The following LUZP2 variants were observed in gnomAD, a reference collection of about 807,000 sequenced individuals.
LUZP2 encodes leucine zipper protein 2.
Under a neutral mutation model 51.6 loss-of-function variants are expected in LUZP2, and 52 were observed. That is an observed-to-expected ratio of 1.01 (90% CI 0.81 to 1.27). The LOEUF is 1.27. Among genes scored for constraint, LUZP2 ranks in the 50% most tolerant of loss-of-function variants. LUZP2 has a pLI of 0.00. For synonymous variants in LUZP2, 154 were observed against 137.3 expected (o/e 1.12, Z -0.85); for missense variants, 436 against 395.4 (o/e 1.10, Z -0.87).
At chr11:24,992,208 C>T (rs1856369884) in intron 9 of LUZP2, among the ~76,000 whole-genome samples, 2 of 152,070 alleles carry the variant, frequency 1.3e-5, no homozygotes, top group South Asian at 4.1e-4. Context: ...ATCACCAATA[C>T]TCCAAAAACA....
chr11:24,861,310 G>A lies in LUZP2; in HGVS notation c.397-44681G>A, dbSNP rs544802740. Among the ~76,000 whole-genome samples the A allele has an allele frequency of 2.6e-5, 4 of 152,212 alleles. No individual in the cohort carries two copies. In the South Asian group the frequency reaches 8.3e-4, roughly 32 times the overall value. On this transcript the variant is annotated intron_variant, in intron 5 of 11. Transcript: ENST00000336930. ...CAAGAAATATGGGACTTCATAAAAGGACCAAACCTACAATTGATCAGAGTA... is the reference window on the plus strand; with the variant it reads ...CAAGAAATATGGGACTTCATAAAAGAACCAAACCTACAATTGATCAGAGTA...
intron 1 of LUZP2, among the ~76,000 whole-genome samples, chr11:24,602,172 A>ATGTACATATATGTG (rs1261022979): frequency 6.1e-5 from 8 of 131,900 alleles, no homozygotes; most frequent in African/African-American, 2.2e-4. Context: ...ATATGTGTAT[A>ATGTACATATATGTG]TATATGTGTA....
intron 9 of LUZP2, among the ~76,000 whole-genome samples, chr11:25,032,755 G>A (rs1448716082): frequency 6.6e-6 from 1 of 152,086 alleles, no homozygotes; most frequent in African/African-American, 2.4e-5. Flanking sequence ...GATGCTGTAG[G>A]GTTTATTCAA....
At chr11:24,508,907 A>T (rs543487518) in intron 1 of LUZP2, among the ~76,000 whole-genome samples, 54 of 152,270 alleles carry the variant, frequency 3.5e-4, no homozygotes, top group Non-Finnish European at 6.2e-4. Flanking sequence ...TGAGCCCATG[A>T]TTTAATAGAC....
At chr11:25,013,906 C>G (rs535242059) in intron 9 of LUZP2, among the ~76,000 whole-genome samples, 2 of 152,056 alleles carry the variant, frequency 1.3e-5, no homozygotes, top group Non-Finnish European at 2.9e-5. Context: ...CCTGTCCCCC[C>G]ACCCCATGAC....
intron 1 of LUZP2, among the ~76,000 whole-genome samples, chr11:24,633,060 T>C (rs1854948844): frequency 6.6e-6 from 1 of 152,060 alleles, no homozygotes; most frequent in African/African-American, 2.4e-5. Flanking sequence ...TAAAAGATTA[T>C]CTTGTTTTGA....
chr11:24,558,162 T>C (rs1347400418), intron 1 of LUZP2, among the ~76,000 whole-genome samples: 1 of 152,092 alleles, frequency 6.6e-6, no homozygotes, highest in African/African-American at 2.4e-5. Context: ...TCACCAGCTT[T>C]TAGACTCTGG....
At chr11:24,983,337 T>A (rs370341700) in intron 9 of LUZP2, 44 bp downstream of exon 9, 3 of 1,580,636 alleles carry the variant, frequency 1.9e-6, no homozygotes, top group Middle Eastern at 3.4e-4. Context: ...CAGCAAGTAA[T>A]GTGTTGTCTT....
At chr11:25,060,563 C>G (rs1858807012) in intron 10 of LUZP2, among the ~76,000 whole-genome samples, 1 of 152,152 alleles carries the variant, frequency 6.6e-6, no homozygotes, top group Admixed American at 6.6e-5. Flanking sequence ...CTGTGATTAC[C>G]TTTATTATCT....
At chr11:24,968,851 G>T (rs1312456467) in intron 7 of LUZP2, among the ~76,000 whole-genome samples, 1 of 152,212 alleles carries the variant, frequency 6.6e-6, no homozygotes, top group Non-Finnish European at 1.5e-5. Context: ...CAGAAAGCTG[G>T]TGCAGTCATG....
chr11:25,070,448 C>A (rs995304809), intron 10 of LUZP2, among the ~76,000 whole-genome samples: 1 of 151,814 alleles, frequency 6.6e-6, no homozygotes, highest in African/African-American at 2.4e-5. Flanking sequence ...ATCTCCATTT[C>A]TATTAACTCA....
chr11:24,619,576 G>A lies in LUZP2; in HGVS notation c.63-109593G>A, dbSNP rs1402243687. The stretch of plus-strand genomic sequence containing the variant: ...TTAGACCACATTATAGGAAAAAGTA[G>A]TAGTATAAAAATTATAGTTAGTACA... On this transcript the variant is annotated intron_variant, in intron 1 of 11. Coordinates refer to ENST00000336930, the MANE Select transcript of LUZP2 (RefSeq NM_001009909.4). Among the ~76,000 whole-genome samples the A allele has an allele frequency of 2.0e-5, 3 of 152,100 alleles. No individual in the cohort carries two copies. In the East Asian group the frequency reaches 5.8e-4, roughly 29 times the overall value.
At chr11:25,001,017 G>T (rs1302204499) in intron 9 of LUZP2, among the ~76,000 whole-genome samples, 2 of 152,108 alleles carry the variant, frequency 1.3e-5, no homozygotes, top group East Asian at 3.8e-4. Flanking sequence ...TAGTTGTATG[G>T]CCCTGCGCTG....
At chr11:24,995,020 A>C (rs1856451541) in intron 9 of LUZP2, among the ~76,000 whole-genome samples, 1 of 152,136 alleles carries the variant, frequency 6.6e-6, no homozygotes, top group Non-Finnish European at 1.5e-5. Context: ...TTTTATTTTC[A>C]TTTTTCATTG....
intron 1 of LUZP2, among the ~76,000 whole-genome samples, chr11:24,626,840 G>A (rs1392846421): frequency 6.6e-6 from 1 of 151,976 alleles, no homozygotes; most frequent in Non-Finnish European, 1.5e-5. Flanking sequence ...ACTTTATAAT[G>A]GCTGAAAAAA....
At chr11:25,017,276 C>G (rs559170419) in intron 9 of LUZP2, among the ~76,000 whole-genome samples, 1 of 152,184 alleles carries the variant, frequency 6.6e-6, no homozygotes, top group East Asian at 1.9e-4. Context: ...TTTAGTTTAC[C>G]TATATCCCAC....
At chr11:24,958,629 G>T (rs1368316807) in intron 7 of LUZP2, among the ~76,000 whole-genome samples, 2 of 151,994 alleles carry the variant, frequency 1.3e-5, no homozygotes, top group Non-Finnish European at 1.5e-5. Context: ...ATTTGTTTGA[G>T]TTCATTGTAG....
intron 5 of LUZP2, among the ~76,000 whole-genome samples, chr11:24,873,710 T>C (rs1195584376): frequency 6.6e-6 from 1 of 152,102 alleles, no homozygotes; most frequent in Admixed American, 6.5e-5. Flanking sequence ...TACAAGAAGA[T>C]GAGAAAGAGC....
intron 1 of LUZP2, among the ~76,000 whole-genome samples, chr11:24,552,697 A>G (rs1851756277): frequency 1.3e-5 from 2 of 151,988 alleles, no homozygotes; most frequent in African/African-American, 4.8e-5. Context: ...ACCGCTCTCA[A>G]TGGCAACATA....
Sources: gnomAD v4.1 joint callset for allele counts (sites outside exome capture counted in the v4.1 genomes callset) on GRCh38, gnomAD v4.1.1 for gene constraint, MANE v1.5 for transcripts, NCBI Gene and HGNC (gene_info 2026-07-23, HGNC 2026-07-21) for gene names.